Variants in RBFOX3 observed in about 807,000 individuals in gnomAD.
RBFOX3 encodes RNA binding fox-1 homolog 3, also known as RNA binding protein fox-1 homolog 3.
RBFOX3 carries 17 observed loss-of-function variants against 48.7 expected under a neutral mutation model. The observed-to-expected ratio is 0.35, with a 90% confidence interval of 0.24 to 0.52. The LOEUF (loss-of-function observed/expected upper bound fraction) is 0.52, where lower values mean the gene tolerates loss of function less well. Among genes scored for constraint, RBFOX3 ranks in the 20% least tolerant of loss-of-function variants. The pLI is 0.94. For missense variants in RBFOX3, 382 were observed against 497.5 expected (o/e 0.77, Z 2.21); for synonymous variants, 212 against 209.5 (o/e 1.01, Z -0.10).
the RBFOX3 span, among the ~76,000 whole-genome samples, chr17:79,637,787 G>C: frequency 1.7e-5 from 1 of 60,532 alleles, no homozygotes; most frequent in Admixed American, 1.4e-4. Flanking sequence ...GGAAGGGAGG[G>C]GAAGAGAAGG....
chr17:79,275,123 C>CCTCTCT lies in RBFOX3; in HGVS notation c.-74+32595_-74+32600dup, dbSNP rs368963249. 5.0e-3 allele frequency among the ~76,000 whole-genome samples: 649 copies of CCTCTCT among 130,644 alleles called. 11 individuals are homozygous for CCTCTCT. The highest frequency in any genetic ancestry group is 0.017 in the African/African-American group (566 of 33,774). The allele number at this position is 130,644 out of a possible 152,430, so 85.7% of individuals were successfully genotyped here. ...CTCTCTGCCTCTCTCTCCATGTCTC[C>CCTCTCT]CTCTCTCTCTCTCTCTCTCTCTCTC... On this transcript the variant is annotated intron_variant, in intron 3 of 14. Transcript: ENST00000693108.
At chr17:79,298,951 G>T (rs1305383341) in intron 3 of RBFOX3, among the ~76,000 whole-genome samples, 1 of 152,236 alleles carries the variant, frequency 6.6e-6, no homozygotes, top group African/African-American at 2.4e-5. Context: ...CGATCCATCA[G>T]GGCTGGGTGG....
At chr17:79,104,222 G>T in intron 6 of RBFOX3, 96 bp from the exon 7 acceptor site, 1 of 1,094,650 alleles carries the variant, frequency 9.1e-7, no homozygotes, top group Non-Finnish European at 1.4e-6. Context: ...AGACGCTCAT[G>T]CCTGTGCTCT....
the RBFOX3 span, among the ~76,000 whole-genome samples, chr17:79,636,540 AC>A: frequency 2.0e-5 from 3 of 152,238 alleles, no homozygotes; most frequent in East Asian, 1.9e-4. Flanking sequence ...AAAAGTGTTT[AC>A]TTTTACTTAA....
intron 3 of RBFOX3, among the ~76,000 whole-genome samples, chr17:79,264,969 G>GT (rs1472330586): frequency 6.6e-6 from 1 of 151,838 alleles, no homozygotes; most frequent in Admixed American, 6.6e-5. Context: ...GAGAGGAGGG[G>GT]GGGGGGGCGC....
chr17:79,147,555 A>AGG (rs934584321), intron 4 of RBFOX3, among the ~76,000 whole-genome samples: 3 of 150,378 alleles, frequency 2.0e-5, no homozygotes, highest in East Asian at 3.9e-4. Context: ...CTCATTGGGG[A>AGG]GGGGGGGGGC....
At chr17:79,130,422 G>T (rs575492171) in intron 4 of RBFOX3, among the ~76,000 whole-genome samples, 2 of 152,218 alleles carry the variant, frequency 1.3e-5, no homozygotes, top group African/African-American at 4.8e-5. Flanking sequence ...CCACCAAGTC[G>T]CATGCTCTGC....
chr17:79,150,232 A>T (rs893359556), intron 4 of RBFOX3, among the ~76,000 whole-genome samples: 1 of 151,782 alleles, frequency 6.6e-6, no homozygotes, highest in African/African-American at 2.4e-5. Context: ...ACGTCCCAGG[A>T]GACTGAGGCC....
intron 5 of RBFOX3, among the ~76,000 whole-genome samples, chr17:79,107,326 C>T (rs931631027): frequency 6.6e-6 from 1 of 152,210 alleles, no homozygotes; most frequent in African/African-American, 2.4e-5. Flanking sequence ...CCACTCAGAA[C>T]CTTTGGGGTT....
chr17:79,484,462 AGGGCCTGGGTGCAGGGGGCCTGGGTGCAG>A (rs2079225942), intron 1 of RBFOX3, among the ~76,000 whole-genome samples: 2 of 139,604 alleles, frequency 1.4e-5, no homozygotes, highest in Admixed American at 7.2e-5. Context: ...TGGCTGGGAG[AGGGCCTGGGTGCAGGGGGCCTGGGTGCAG>A]GGGCCTGGGT....
chr17:79,454,688 G>T (rs1278901664), intron 2 of RBFOX3, among the ~76,000 whole-genome samples: 1 of 152,180 alleles, frequency 6.6e-6, no homozygotes, highest in Non-Finnish European at 1.5e-5. Context: ...GAGGTTAAGC[G>T]ACCTGTCTGG....
At chr17:79,153,437 C>T (rs1008142508) in intron 4 of RBFOX3, among the ~76,000 whole-genome samples, 1 of 152,194 alleles carries the variant, frequency 6.6e-6, no homozygotes, top group African/African-American at 2.4e-5. Context: ...GGGGTGATAA[C>T]AGGTGTGAGC....
intron 4 of RBFOX3, among the ~76,000 whole-genome samples, chr17:79,147,559 G>C (rs1009500632): frequency 6.6e-6 from 1 of 152,300 alleles, no homozygotes; most frequent in East Asian, 1.9e-4. Context: ...TTGGGGAGGG[G>C]GGGGGCTCAC....
intron 2 of RBFOX3, among the ~76,000 whole-genome samples, chr17:79,359,266 G>T (rs1005449480): frequency 2.0e-5 from 3 of 152,196 alleles, no homozygotes; most frequent in African/African-American, 7.2e-5. Flanking sequence ...TGTTAGCAAA[G>T]AAAAATACAG....
At chr17:79,399,778 C>T (rs879307681) in intron 2 of RBFOX3, among the ~76,000 whole-genome samples, 2 of 152,262 alleles carry the variant, frequency 1.3e-5, no homozygotes, top group Admixed American at 6.5e-5. Flanking sequence ...CGGGGAGCAG[C>T]AGACACCACA....
chr17:79,172,117 T>C (rs1195476777), intron 4 of RBFOX3, among the ~76,000 whole-genome samples: 4 of 132,462 alleles, frequency 3.0e-5, no homozygotes, highest in Non-Finnish European at 6.1e-5. Flanking sequence ...GAGGTTGCAG[T>C]GAGCCGACAT....
chr17:79,234,711 G>C (rs1433684099), intron 4 of RBFOX3: 1 of 137,044 alleles, frequency 7.3e-6, no homozygotes, highest in Non-Finnish European at 1.5e-5. Flanking sequence ...TTTATTGGGG[G>C]CATTAAGTGC....
intron 4 of RBFOX3, among the ~76,000 whole-genome samples, chr17:79,201,463 G>A (rs1049593425): frequency 9.2e-6 from 1 of 108,812 alleles, no homozygotes; most frequent in Non-Finnish European, 2.3e-5. Flanking sequence ...TCCAGGGCTA[G>A]GGAGCCCTCC....
At chr17:79,624,912 C>T in the RBFOX3 span, among the ~76,000 whole-genome samples, 8 of 151,134 alleles carry the variant, frequency 5.3e-5, no homozygotes, top group Admixed American at 6.6e-5. Context: ...GTCCCCACCA[C>T]GAAGCGCCCC....
Sources: gnomAD v4.1 joint callset for allele counts (sites outside exome capture counted in the v4.1 genomes callset) on GRCh38, gnomAD v4.1.1 for gene constraint, MANE v1.5 for transcripts, NCBI Gene and HGNC (gene_info 2026-07-23, HGNC 2026-07-21) for gene names.